Variants in FGF12 observed in about 807,000 individuals in gnomAD.
FGF12 encodes fibroblast growth factor 12, also known as fibroblast growth factor 12B.
In FGF12, 14 loss-of-function variants were observed where a neutral mutation model predicts 23.6. The observed-to-expected ratio is 0.59, with a 90% CI of 0.39 to 0.93. The LOEUF is 0.93. FGF12 is among the 40% of genes least tolerant of loss of function. The pLI is 0.00. For synonymous variants in FGF12, 62 were observed against 77.3 expected (o/e 0.80, Z 1.04); for missense variants, 175 against 217.8 (o/e 0.80, Z 1.24).
At position 192,297,984 on chromosome 3, in the gene FGF12, C is replaced by T. The variant is rs1715138540; in HGVS notation, c.228+37377G>A. ...AATGTCTATATTTCTGAATATAACACTGAGAAGGCATTTGTAACCGCTATT... is the reference window on the plus strand; with the variant it reads ...AATGTCTATATTTCTGAATATAACATTGAGAAGGCATTTGTAACCGCTATT... On this transcript the variant is annotated intron_variant, in intron 4 of 5. Transcript: ENST00000445105. 1.3e-5 allele frequency among the ~76,000 whole-genome samples: 2 copies of T among 152,166 alleles called. 1 individual carries two copies. The highest frequency in any genetic ancestry group is 4.1e-4 in the South Asian group (2 of 4,828).
At chr3:192,606,903 C>G (rs1421582262) in intron 2 of FGF12, among the ~76,000 whole-genome samples, 5 of 152,100 alleles carry the variant, frequency 3.3e-5, no homozygotes, top group Non-Finnish European at 4.4e-5. Flanking sequence ...CGTGAAATAT[C>G]TTAAAGTAAT....
chr3:192,590,994 C>T (rs1259381545), intron 2 of FGF12, among the ~76,000 whole-genome samples: 5 of 151,608 alleles, frequency 3.3e-5, no homozygotes, highest in Non-Finnish European at 7.4e-5. Flanking sequence ...AACAAAACAC[C>T]AAACTGTCTG....
rs1247308989 is a variant in FGF12, at chr3:192,335,615, A to C, written c.125-151T>G. ...AAAGAGAGGTCTAAAAACGAGAGAA[A>C]TTGACTTCTTGACCCTGCACCAGCA... On this transcript the variant is annotated intron_variant, in intron 3 of 5. Coordinates refer to ENST00000445105, the MANE Select transcript of FGF12 (RefSeq NM_004113.6). 4 of 615,614 alleles carry C rather than the reference A, an allele frequency of 6.5e-6. No individual in the cohort carries two copies. In the African/African-American group the frequency reaches 7.4e-5, roughly 11 times the overall value. The allele number at this position is 615,614 out of a possible 1,614,324, so 38.1% of individuals were successfully genotyped here. A position where few individuals can be genotyped will look rare whatever the true frequency, so the allele number is the denominator to read the frequency against.
chr3:192,162,150 T>G (rs1275972983), intron 5 of FGF12, among the ~76,000 whole-genome samples: 1 of 152,162 alleles, frequency 6.6e-6, no homozygotes, highest in Non-Finnish European at 1.5e-5. Flanking sequence ...TGTTAGTTAA[T>G]GCACCATTGA....
intron 4 of FGF12, among the ~76,000 whole-genome samples, chr3:192,286,448 C>T (rs541187255): frequency 1.1e-4 from 17 of 152,016 alleles, no homozygotes; most frequent in Non-Finnish European, 2.4e-4. Flanking sequence ...AATCTGTACC[C>T]TCTTTTTCAG....
intron 4 of FGF12, among the ~76,000 whole-genome samples, chr3:192,272,179 A>T (rs1220960305): frequency 6.6e-6 from 1 of 152,152 alleles, no homozygotes; most frequent in Non-Finnish European, 1.5e-5. Flanking sequence ...ACCCAGAGAC[A>T]AATCCAAATT....
rs545260622 is a variant in FGF12, at chr3:192,696,848, C to T, written c.13+30333G>A. On this transcript the variant is annotated intron_variant, in intron 2 of 5. Transcript: ENST00000445105. ...TTTGTATCATTTTATATAACAAGGC[C>T]ACACTAGATTGAAGAGGAGACTAAA... Among the ~76,000 whole-genome samples the T allele has an allele frequency of 2.0e-5, 3 of 151,718 alleles. No individual in the cohort carries two copies. In the South Asian group the frequency reaches 6.3e-4, roughly 32 times the overall value.
chr3:192,536,380 T>G (rs1725222649), intron 2 of FGF12, among the ~76,000 whole-genome samples: 1 of 152,112 alleles, frequency 6.6e-6, no homozygotes, highest in Non-Finnish European at 1.5e-5. Flanking sequence ...AAATAACTAT[T>G]TTATAGCAAA....
At chr3:192,544,068 T>C (rs1466172707) in intron 2 of FGF12, among the ~76,000 whole-genome samples, 4 of 152,186 alleles carry the variant, frequency 2.6e-5, no homozygotes, top group Non-Finnish European at 5.9e-5. Flanking sequence ...TTCTGAGCAA[T>C]TCCCCTTTGC....
intron 2 of FGF12, among the ~76,000 whole-genome samples, chr3:192,600,026 A>G (rs553211733): frequency 3.9e-5 from 6 of 152,122 alleles, no homozygotes; most frequent in African/African-American, 1.4e-4. Context: ...TTCAGGTCTT[A>G]TATTTCAGTC....
intron 2 of FGF12, among the ~76,000 whole-genome samples, chr3:192,434,975 G>A (rs1257019886): frequency 6.6e-6 from 1 of 152,140 alleles, no homozygotes; most frequent in Non-Finnish European, 1.5e-5. Context: ...AGGGTTTAAA[G>A]AGCACTGAAG....
chr3:192,297,577 A>AT (rs1008843196), intron 4 of FGF12, among the ~76,000 whole-genome samples: 44 of 152,206 alleles, frequency 2.9e-4, no homozygotes, highest in Non-Finnish European at 7.3e-5. Flanking sequence ...CACCCACAAC[A>AT]TAACAATACC....
intron 2 of FGF12, among the ~76,000 whole-genome samples, chr3:192,367,688 C>T (rs1719043843): frequency 6.6e-6 from 1 of 152,172 alleles, no homozygotes; most frequent in Non-Finnish European, 1.5e-5. Flanking sequence ...AGAAGCAGGC[C>T]TGAGGCCCCT....
intron 3 of FGF12, among the ~76,000 whole-genome samples, chr3:192,351,524 T>C (rs2108723013): frequency 6.6e-6 from 1 of 152,340 alleles, no homozygotes; most frequent in Admixed American, 6.5e-5. Flanking sequence ...CTGAAAAGTC[T>C]TCAGGCCCTA....
At chr3:192,190,527 G>T (rs1192003079) in intron 4 of FGF12, among the ~76,000 whole-genome samples, 1 of 133,038 alleles carries the variant, frequency 7.5e-6, no homozygotes, top group Non-Finnish European at 1.5e-5. Flanking sequence ...CCAGGCTGGA[G>T]TGCAGTGGCG....
At chr3:192,432,251 G>A (rs1178938722) in intron 2 of FGF12, among the ~76,000 whole-genome samples, 1 of 152,182 alleles carries the variant, frequency 6.6e-6, no homozygotes, top group East Asian at 1.9e-4. Context: ...TAATAAATAA[G>A]TGTACTACAG....
intron 4 of FGF12, among the ~76,000 whole-genome samples, chr3:192,301,194 T>C (rs993505024): frequency 6.6e-6 from 1 of 151,912 alleles, no homozygotes; most frequent in Admixed American, 6.6e-5. Context: ...GTTTGCAATA[T>C]CTGGAAGGGG....
At position 192,360,673 on chromosome 3, in the gene FGF12, G is replaced by C. The variant is rs1288272839; in HGVS notation, c.14-135C>G. The C allele has an allele frequency of 1.5e-6, 1 of 647,826 alleles. No homozygotes were observed. Among genetic ancestry groups the C allele is most frequent in the Non-Finnish European group, 2.8e-6 (1 of 362,280 alleles). 40.1% of individuals were successfully genotyped at this position (647,826 alleles called of 1,614,324 possible). Reference sequence around the variant, plus strand: ...ATTGAATTATGTATTTGGGAGTTGGGTGTTTCAGTAACATATCTATGCTTT... The same window carrying C: ...ATTGAATTATGTATTTGGGAGTTGGCTGTTTCAGTAACATATCTATGCTTT... On this transcript the variant is annotated intron_variant, in intron 2 of 5. Transcript: ENST00000445105. The surrounding 1 kb of genome is among the most constrained non-coding windows in gnomAD (Gnocchi z 4.3).
intron 4 of FGF12, among the ~76,000 whole-genome samples, chr3:192,303,579 T>C (rs566394815): frequency 5.9e-5 from 9 of 152,330 alleles, no homozygotes; most frequent in African/African-American, 2.2e-4. Flanking sequence ...CACCAGGGAC[T>C]ATTAGAATTT....
Sources: gnomAD v4.1 joint callset for allele counts (sites outside exome capture counted in the v4.1 genomes callset) on GRCh38, gnomAD v4.1.1 for gene constraint, Gnocchi (gnomAD v3.1) non-coding constraint, MANE v1.5 for transcripts, NCBI Gene and HGNC (gene_info 2026-07-23, HGNC 2026-07-21) for gene names.